Variants in CLEC16A observed in about 807,000 individuals in gnomAD.
The protein encoded by CLEC16A is C-type lectin domain containing 16A.
CLEC16A carries 51 observed loss-of-function variants against 109.5 expected under a neutral mutation model. The ratio of observed to expected loss-of-function variants is 0.47; its 90% CI spans 0.37 to 0.59. The LOEUF (loss-of-function observed/expected upper bound fraction) is 0.59, where lower values mean the gene tolerates loss of function less well. Ranked by LOEUF, CLEC16A falls within the 20% of genes least tolerant of loss-of-function variation. The probability of loss-of-function intolerance (pLI) is 0.00; values close to 1 mark genes in which losing one functional copy is unlikely to be tolerated. For synonymous variants in CLEC16A, 673 were observed against 564.2 expected, an observed-to-expected ratio of 1.19 and a Z score of -2.73; for missense variants, 1,339 against 1,394.0, an observed-to-expected ratio of 0.96 and a Z score of 0.63.
intron 10 of CLEC16A, among the ~76,000 whole-genome samples, chr16:10,984,384 C>T (rs1045749502): frequency 6.6e-6 from 1 of 152,182 alleles, no homozygotes; most frequent in African/African-American, 2.4e-5. Flanking sequence ...TGGCCTATCC[C>T]TTTCTTGATT....
intron 19 of CLEC16A, among the ~76,000 whole-genome samples, chr16:11,062,417 A>G (rs1393176235): frequency 1.3e-5 from 2 of 152,234 alleles, no homozygotes; most frequent in South Asian, 4.1e-4. Flanking sequence ...CCTTGAACAA[A>G]TGACAGGACC....
At chr16:11,121,118 A>G (rs1045904061) in intron 20 of CLEC16A, among the ~76,000 whole-genome samples, 1 of 152,182 alleles carries the variant, frequency 6.6e-6, no homozygotes. Flanking sequence ...TTGAGAGTGT[A>G]TGTGTGTGTT....
Position 11,003,146 on chromosome 16 carries a change from A to G in CLEC16A, c.1144A>G (p.Lys382Glu). The change falls in exon 11 of 24, where the codon AAG (lysine) becomes GAG (glutamate). Residue 382 changes from lysine (K) to glutamate (E), a missense_variant. Coordinates refer to ENST00000409790, the MANE Select transcript of CLEC16A (RefSeq NM_015226.3). ...GCGGTCCCTTGAGATGAACAAGCAC[A>G]AGGGCAAGAGGCGGGTGCAAAAGAG... is the stretch of plus-strand genomic sequence containing the variant. Reference protein sequence around the residue: ...LERSLEMNKHKGKRRVQKRPN... With the variant: ...LERSLEMNKHEGKRRVQKRPN... 4 of 1,613,722 alleles carry G rather than the reference A, an allele frequency of 2.5e-6. No homozygotes were observed. The highest frequency in any genetic ancestry group is 1.1e-5 in the South Asian group (1 of 91,062).
At chr16:10,955,110 T>A (rs2041925721) in intron 1 of CLEC16A, among the ~76,000 whole-genome samples, 1 of 152,174 alleles carries the variant, frequency 6.6e-6, no homozygotes, top group African/African-American at 2.4e-5. Flanking sequence ...AAGGCCACAG[T>A]TAGGAGGTGG....
chr16:11,165,621 G>A (rs2068227592), intron 22 of CLEC16A, among the ~76,000 whole-genome samples: 1 of 152,186 alleles, frequency 6.6e-6, no homozygotes, highest in Non-Finnish European at 1.5e-5. Flanking sequence ...TCCAGGTTGT[G>A]GCTGGGAAAG....
intron 19 of CLEC16A, among the ~76,000 whole-genome samples, chr16:11,119,592 G>A (rs7200146): frequency 2.0e-5 from 3 of 151,858 alleles, no homozygotes; most frequent in East Asian, 1.9e-4. Flanking sequence ...GGGTTTTGCC[G>A]TGTTGCCCAG....
intron 4 of CLEC16A, 117 bp from the exon 5 acceptor site, chr16:10,971,008 A>ATTTTTTTTTTTTTTTTTTTTTTTTTTTT: frequency 2.0e-6 from 1 of 506,592 alleles, no homozygotes; most frequent in Non-Finnish European, 3.5e-6. Context: ...CATTGGCAAC[A>ATTTTTTTTTTTTTTTTTTTTTTTTTTTT]TTTTTTTTTT....
intron 7 of CLEC16A, among the ~76,000 whole-genome samples, chr16:10,974,708 A>G (rs2042956548): frequency 6.6e-6 from 1 of 152,258 alleles, no homozygotes; most frequent in African/African-American, 2.4e-5. Context: ...GGGCAGACCC[A>G]TTGGAGCAAT....
chr16:11,178,641 T>A lies in CLEC16A; in HGVS notation c.3113T>A (p.Val1038Glu), dbSNP rs2068860508. ...CCGGCTGCCGCCTGCACAGAGCCCG[T>A]GGGCGAAGAGGCTGCATGTGCTGAG... is the stretch of plus-strand genomic sequence containing the variant. Reference protein sequence around the residue: ...STPAAACTEPVGEEAACAEPV... With the variant: ...STPAAACTEPEGEEAACAEPV... The change falls in exon 24 of 24, where the codon GTG becomes GAG. Residue 1038 changes from valine (V) to glutamate (E), a missense_variant. Physicochemically the swap from Val to Glu is moderately radical, Grantham distance 121. This residue lies in a region of CLEC16A where 1,061 missense variants were observed against 1,006.8 expected (regional missense o/e 1.05). Transcript: ENST00000409790. The surrounding 1 kb of genome is among the most constrained non-coding windows in gnomAD (Gnocchi z 6.5). 2 of 1,581,068 alleles carry A rather than the reference T, an allele frequency of 1.3e-6. No individual in the cohort carries two copies. The highest frequency in any genetic ancestry group is 1.3e-5 in the African/African-American group (1 of 74,524).
At chr16:11,138,142 G>A (rs147899379) in intron 22 of CLEC16A, among the ~76,000 whole-genome samples, 8 of 152,320 alleles carry the variant, frequency 5.3e-5, no homozygotes, top group African/African-American at 1.7e-4. Flanking sequence ...ACATGTTGAC[G>A]AGGGTCAGGA....
At chr16:11,039,897 C>G in intron 14 of CLEC16A, 21 bp downstream of exon 14, 1 of 1,610,190 alleles carries the variant, frequency 6.2e-7, no homozygotes, top group Non-Finnish European at 8.5e-7. Flanking sequence ...GGGGTGTTGT[C>G]TGTCCACAGG....
At chr16:10,959,331 T>C (rs189562436) in intron 2 of CLEC16A, among the ~76,000 whole-genome samples, 1 of 152,284 alleles carries the variant, frequency 6.6e-6, no homozygotes, top group Non-Finnish European at 1.5e-5. Flanking sequence ...AAGCAGAACA[T>C]GCGAGTCATG....
chr16:11,027,414 C>G (rs1231633166), intron 13 of CLEC16A: 16 of 1,454,154 alleles, frequency 1.1e-5, no homozygotes, highest in Middle Eastern at 2.3e-4. Context: ...TCTACAAATG[C>G]TGCGTATAGT....
intron 22 of CLEC16A, among the ~76,000 whole-genome samples, chr16:11,147,424 A>C (rs952988193): frequency 6.6e-6 from 1 of 152,126 alleles, no homozygotes; most frequent in Non-Finnish European, 1.5e-5. Context: ...TTGAAGATGA[A>C]ATGTTTTGAG....
At chr16:11,162,527 C>G (rs1377926178) in intron 22 of CLEC16A, among the ~76,000 whole-genome samples, 1 of 152,232 alleles carries the variant, frequency 6.6e-6, no homozygotes, top group Non-Finnish European at 1.5e-5. Context: ...GTACAACTAC[C>G]TGCTTCTCTC....
chr16:11,022,201 G>A (rs1014953686), intron 12 of CLEC16A, among the ~76,000 whole-genome samples: 1 of 152,202 alleles, frequency 6.6e-6, no homozygotes, highest in Non-Finnish European at 1.5e-5. Context: ...TGCCGGGTTA[G>A]AGACTGGCCC....
chr16:11,002,299 G>A (rs1403120784), intron 10 of CLEC16A, among the ~76,000 whole-genome samples: 1 of 152,208 alleles, frequency 6.6e-6, no homozygotes, highest in Non-Finnish European at 1.5e-5. Flanking sequence ...TTCATCAGAA[G>A]TTCTCCTTAC....
chr16:11,110,079 C>T (rs960601498), intron 19 of CLEC16A, among the ~76,000 whole-genome samples: 18 of 152,192 alleles, frequency 1.2e-4, no homozygotes, highest in African/African-American at 4.3e-4. Context: ...CAGTAATGGG[C>T]TACAGCCTGT....
At chr16:11,173,606 C>T (rs2068617340) in intron 23 of CLEC16A, among the ~76,000 whole-genome samples, 1 of 152,128 alleles carries the variant, frequency 6.6e-6, no homozygotes, top group Non-Finnish European at 1.5e-5. Context: ...GGACTCGGAG[C>T]TGTGCTGTTG....
Sources: gnomAD v4.1 joint callset for allele counts (sites outside exome capture counted in the v4.1 genomes callset) on GRCh38, gnomAD v4.1.1 for gene constraint, gnomAD v4.1.1 regional missense constraint, Gnocchi (gnomAD v3.1) non-coding constraint, MANE v1.5 for transcripts, NCBI Gene and HGNC (gene_info 2026-07-23, HGNC 2026-07-21) for gene names.